SPMIP3: variants seen among roughly 807,000 people sequenced by gnomAD.
SPMIP3 encodes the protein sperm microtubule inner protein 3.
chr1:244,370,103 G>A, the SPMIP3 span, among the ~76,000 whole-genome samples: 4 of 152,144 alleles, frequency 2.6e-5, no homozygotes, highest in African/African-American at 9.7e-5. Context: ...AAATTCCGCC[G>A]AGGACTCTGT....
At chr1:244,388,084 C>T in the SPMIP3 span, among the ~76,000 whole-genome samples, 1 of 151,960 alleles carries the variant, frequency 6.6e-6, no homozygotes, top group Non-Finnish European at 1.5e-5. Flanking sequence ...CCTGCCACCA[C>T]GCCCGGCTAA....
At chr1:244,355,988 A>C in the SPMIP3 span, among the ~76,000 whole-genome samples, 1 of 152,174 alleles carries the variant, frequency 6.6e-6, no homozygotes, top group Non-Finnish European at 1.5e-5. Flanking sequence ...GATTTTTTAC[A>C]TATTAATCTT....
chr1:244,372,239 T>C, the SPMIP3 span, among the ~76,000 whole-genome samples: 1 of 152,224 alleles, frequency 6.6e-6, no homozygotes, highest in Non-Finnish European at 1.5e-5. Flanking sequence ...TATTTCAGCA[T>C]GTGAAGAGCT....
At chr1:244,376,682 G>A in the SPMIP3 span, among the ~76,000 whole-genome samples, 3 of 152,178 alleles carry the variant, frequency 2.0e-5, no homozygotes, top group Admixed American at 2.0e-4. Context: ...CATACCATAC[G>A]ATTTATCCAT....
chr1:244,358,331 C>A, the SPMIP3 span, among the ~76,000 whole-genome samples: 1 of 152,004 alleles, frequency 6.6e-6, no homozygotes, highest in African/African-American at 2.4e-5. Flanking sequence ...CACCTGTAAT[C>A]CCAGCACTTA....
At chr1:244,361,333 A>T in the SPMIP3 span, among the ~76,000 whole-genome samples, 1 of 142,374 alleles carries the variant, frequency 7.0e-6, no homozygotes, top group Non-Finnish European at 1.5e-5. Context: ...GGGTTCAAGG[A>T]TTCTCCTGCC....
chr1:244,386,110 G>A, the SPMIP3 span, among the ~76,000 whole-genome samples: 3 of 152,034 alleles, frequency 2.0e-5, no homozygotes, highest in Admixed American at 1.3e-4. Context: ...CCCAGGAGGC[G>A]GAGGTTGCAG....
At chr1:244,359,692 C>T in the SPMIP3 span, among the ~76,000 whole-genome samples, 11 of 151,920 alleles carry the variant, frequency 7.2e-5, no homozygotes, top group African/African-American at 2.2e-4. Context: ...CATTGCACTC[C>T]AGCCTGGGCA....
the SPMIP3 span, among the ~76,000 whole-genome samples, chr1:244,366,048 G>A: frequency 1.3e-5 from 2 of 152,136 alleles, no homozygotes; most frequent in Non-Finnish European, 2.9e-5. Flanking sequence ...TCACCACCTC[G>A]ACGGGTCTGC....
At chr1:244,374,936 T>C in the SPMIP3 span, among the ~76,000 whole-genome samples, 3 of 152,120 alleles carry the variant, frequency 2.0e-5, no homozygotes, top group Non-Finnish European at 2.9e-5. Flanking sequence ...ATTTGCCCCA[T>C]TGGTTTTATT....
At chr1:244,360,557 C>CAT in the SPMIP3 span, among the ~76,000 whole-genome samples, 31 of 56,072 alleles carry the variant, frequency 5.5e-4, 2 homozygotes, top group Middle Eastern at 6.3e-3. Flanking sequence ...CACACACACA[C>CAT]ATGCATGCAT....
the SPMIP3 span, among the ~76,000 whole-genome samples, chr1:244,380,388 G>A: frequency 3.4e-4 from 51 of 152,238 alleles, no homozygotes; most frequent in African/African-American, 1.1e-3. Flanking sequence ...CCAAAGTGGT[G>A]GGATTACAGG....
chr1:244,374,737 C>T, the SPMIP3 span, among the ~76,000 whole-genome samples: 5 of 151,752 alleles, frequency 3.3e-5, no homozygotes, highest in South Asian at 2.1e-4. Flanking sequence ...GCTGGGATTA[C>T]AGGCATGTGC....
the SPMIP3 span, among the ~76,000 whole-genome samples, chr1:244,371,421 A>C: frequency 1.3e-5 from 2 of 152,080 alleles, no homozygotes; most frequent in African/African-American, 4.8e-5. Context: ...TCCCCTTAGG[A>C]GGTCAAAACT....
chr1:244,368,944 G>A, the SPMIP3 span, among the ~76,000 whole-genome samples: 1 of 152,220 alleles, frequency 6.6e-6, no homozygotes, highest in African/African-American at 2.4e-5. Flanking sequence ...CGGATCATGA[G>A]GTCAAAAGAT....
the SPMIP3 span, among the ~76,000 whole-genome samples, chr1:244,361,703 TATA>T: frequency 6.6e-6 from 1 of 152,164 alleles, no homozygotes; most frequent in African/African-American, 2.4e-5. Context: ...CTTATATATC[TATA>T]ATAATTAAAA....
At chr1:244,377,265 GC>G in the SPMIP3 span, among the ~76,000 whole-genome samples, 1 of 152,050 alleles carries the variant, frequency 6.6e-6, no homozygotes, top group Non-Finnish European at 1.5e-5. Flanking sequence ...GGGACTACAG[GC>G]ACCCGCCACC....
At chr1:244,362,213 G>A in the SPMIP3 span, among the ~76,000 whole-genome samples, 1 of 152,188 alleles carries the variant, frequency 6.6e-6, no homozygotes. Flanking sequence ...AAAGGGAAGA[G>A]GAGGAGACAT....
the SPMIP3 span, among the ~76,000 whole-genome samples, chr1:244,364,247 G>C: frequency 3.3e-5 from 5 of 151,968 alleles, no homozygotes; most frequent in African/African-American, 1.2e-4. Flanking sequence ...TGGTACTACA[G>C]GCGCCCGCCA....
Sources: allele counts gnomAD v4.1 joint callset (sites outside exome capture counted in the v4.1 genomes callset), GRCh38; gene constraint gnomAD v4.1.1; transcripts MANE v1.5; gene names NCBI Gene and HGNC (gene_info 2026-07-23, HGNC 2026-07-21).